The following AFF3 variants were observed in gnomAD, a reference collection of about 807,000 sequenced individuals.
AFF3 encodes ALF transcription elongation factor 3, also known as AF4/FMR2 family member 3.
Under a neutral mutation model 129.7 loss-of-function variants are expected in AFF3, and 32 were observed. The ratio of observed to expected loss-of-function variants is 0.25; its 90% CI spans 0.19 to 0.33. The LOEUF is 0.33. Among genes scored for constraint, AFF3 ranks in the 10% least tolerant of loss-of-function variants. The pLI, the probability that AFF3 is intolerant of heterozygous loss-of-function variation, is 1.00. For missense variants in AFF3, 1,373 were observed against 1,592.0 expected, an observed-to-expected ratio of 0.86 and a Z score of 2.34; for synonymous variants, 644 against 635.4, an observed-to-expected ratio of 1.01 and a Z score of -0.20.
chr2:99,598,824 A>T (rs1460932383), intron 14 of AFF3, among the ~76,000 whole-genome samples: 2 of 152,272 alleles, frequency 1.3e-5, no homozygotes, highest in Admixed American at 1.3e-4. Flanking sequence ...TGGAGGACAC[A>T]CAGGGTGATG....
chr2:100,018,910 C>T (rs1171517160), intron 4 of AFF3, among the ~76,000 whole-genome samples: 1 of 152,188 alleles, frequency 6.6e-6, no homozygotes, highest in Non-Finnish European at 1.5e-5. Context: ...TTTCCTCCAA[C>T]AAATGCTCAG....
intron 8 of AFF3, among the ~76,000 whole-genome samples, chr2:99,774,679 A>C (rs1683752384): frequency 6.6e-6 from 1 of 152,264 alleles, no homozygotes; most frequent in Admixed American, 6.5e-5. Context: ...GGACATAGGC[A>C]TGAGCAAAAA....
intron 11 of AFF3, among the ~76,000 whole-genome samples, chr2:99,676,063 G>C (rs1390418904): frequency 2.0e-5 from 3 of 151,468 alleles, no homozygotes; most frequent in African/African-American, 4.9e-5. Context: ...TGCACGGAAG[G>C]ACTAGCCATC....
chr2:99,552,854 T>C (rs1044170718), intron 24 of AFF3, among the ~76,000 whole-genome samples: 1 of 152,222 alleles, frequency 6.6e-6, no homozygotes, highest in African/African-American at 2.4e-5. Context: ...TGTATTTCTA[T>C]ACATTTGTCC....
At chr2:99,848,646 C>CA (rs1458593709) in intron 7 of AFF3, among the ~76,000 whole-genome samples, 1 of 152,076 alleles carries the variant, frequency 6.6e-6, no homozygotes, top group Non-Finnish European at 1.5e-5. Context: ...AACAATCTAA[C>CA]AAAAAATGAT....
intron 7 of AFF3, among the ~76,000 whole-genome samples, chr2:99,889,636 G>C (rs1337066422): frequency 6.6e-6 from 1 of 152,110 alleles, no homozygotes; most frequent in Admixed American, 6.5e-5. Flanking sequence ...CTTAGAAGAG[G>C]ACACTCAACC....
At position 99,846,421 on chromosome 2, in the gene AFF3, C is replaced by T. The variant is rs1430265581; in HGVS notation, c.874-8897G>A. ...CTGGGATTATAGGCGTGAGCCACTG[C>T]GCCTGGCCGAACATTTTCCTGAATC... On this transcript the variant is annotated intron_variant, in intron 7 of 24. Coordinates refer to ENST00000672756, the MANE Select transcript of AFF3 (RefSeq NM_001386135.1). Among the ~76,000 whole-genome samples the T allele has an allele frequency of 2.0e-5, 3 of 152,230 alleles. No individual in the cohort carries two copies. In the East Asian group the frequency reaches 5.8e-4, roughly 29 times the overall value.
At chr2:99,569,353 C>A (rs542232345) in intron 18 of AFF3, among the ~76,000 whole-genome samples, 37 of 152,030 alleles carry the variant, frequency 2.4e-4, no homozygotes, top group Non-Finnish European at 4.3e-4. Flanking sequence ...AAATAAGTGT[C>A]ATTTATATGC....
Position 99,845,827 on chromosome 2 carries a change from T to C in AFF3, c.874-8303A>G, listed in dbSNP as rs578102823. 2.1e-3 allele frequency among the ~76,000 whole-genome samples: 326 copies of C among 152,278 alleles called. 2 individuals are homozygous for C. Among genetic ancestry groups the C allele is most frequent in the African/African-American group, 7.4e-3 (309 of 41,568 alleles). Reference sequence around the variant, plus strand: ...TTCCTGAATCTTTATTTTAATTAAATTAATTAATTAATTTCTTTATTTTGA... The same window carrying C: ...TTCCTGAATCTTTATTTTAATTAAACTAATTAATTAATTTCTTTATTTTGA... On this transcript the variant is annotated intron_variant, in intron 7 of 24. Coordinates refer to ENST00000672756, the MANE Select transcript of AFF3 (RefSeq NM_001386135.1).
At chr2:100,051,358 C>T (rs887308418) in intron 4 of AFF3, among the ~76,000 whole-genome samples, 2 of 152,302 alleles carry the variant, frequency 1.3e-5, no homozygotes, top group Admixed American at 6.5e-5. Flanking sequence ...CCATGAAGAA[C>T]TAGTTAAGGC....
At chr2:99,677,346 A>C (rs1452231462) in intron 11 of AFF3, among the ~76,000 whole-genome samples, 1 of 152,108 alleles carries the variant, frequency 6.6e-6, no homozygotes, top group Non-Finnish European at 1.5e-5. Context: ...AAGAGTTATC[A>C]AACTACTGTC....
intron 22 of AFF3, among the ~76,000 whole-genome samples, chr2:99,558,212 C>T (rs973579918): frequency 6.6e-6 from 1 of 152,184 alleles, no homozygotes; most frequent in Non-Finnish European, 1.5e-5. Flanking sequence ...TAAGGGGTTA[C>T]TTCTAAGGAA....
chr2:99,686,660 A>C (rs1391227321), intron 11 of AFF3, among the ~76,000 whole-genome samples: 2 of 152,230 alleles, frequency 1.3e-5, no homozygotes, highest in African/African-American at 2.4e-5. Flanking sequence ...ATCCTGAGGG[A>C]GTGACATTAA....
At chr2:99,682,907 T>A (rs892668675) in intron 11 of AFF3, among the ~76,000 whole-genome samples, 4 of 152,232 alleles carry the variant, frequency 2.6e-5, no homozygotes, top group Non-Finnish European at 5.9e-5. Context: ...GGCACCCTTC[T>A]GTGAATAATG....
intron 4 of AFF3, among the ~76,000 whole-genome samples, chr2:100,094,077 C>T (rs545613939): frequency 6.6e-6 from 1 of 152,192 alleles, no homozygotes; most frequent in Non-Finnish European, 1.5e-5. Flanking sequence ...GCTGTATCCT[C>T]CTTTAAGGTG....
chr2:99,744,005 A>G, intron 10 of AFF3, 99 bp downstream of exon 10: 1 of 1,063,576 alleles, frequency 9.4e-7, no homozygotes, highest in Non-Finnish European at 1.3e-6. Flanking sequence ...AATTTCTTTG[A>G]AACCTACTGT....
At chr2:100,052,355 G>C (rs575165212) in intron 4 of AFF3, among the ~76,000 whole-genome samples, 3 of 152,172 alleles carry the variant, frequency 2.0e-5, no homozygotes, top group Non-Finnish European at 4.4e-5. Flanking sequence ...AGTAGCTCTA[G>C]ATCTTCTACC....
chr2:100,124,990 G>A (rs1227699716), intron 2 of AFF3, among the ~76,000 whole-genome samples: 2 of 152,184 alleles, frequency 1.3e-5, no homozygotes, highest in East Asian at 3.9e-4. Context: ...ATCAGTCAAT[G>A]ACAGAATCAT....
intron 7 of AFF3, among the ~76,000 whole-genome samples, chr2:99,899,816 A>T (rs1306818839): frequency 6.6e-6 from 1 of 152,212 alleles, no homozygotes; most frequent in Non-Finnish European, 1.5e-5. Context: ...AGGAAATAAC[A>T]TTTGTTTCTG....
Sources: allele counts gnomAD v4.1 joint callset (sites outside exome capture counted in the v4.1 genomes callset), GRCh38; gene constraint gnomAD v4.1.1; transcripts MANE v1.5; gene names NCBI Gene and HGNC (gene_info 2026-07-23, HGNC 2026-07-21).